The following CRHBP variants were observed in gnomAD, a reference collection of about 807,000 sequenced individuals.
CRHBP encodes corticotropin releasing hormone binding protein.
In CRHBP, 19 loss-of-function variants were observed where a neutral mutation model predicts 34.9. The ratio of observed to expected loss-of-function variants is 0.55; its 90% CI spans 0.38 to 0.80. CRHBP has a LOEUF of 0.80. Among genes scored for constraint, CRHBP ranks in the 30% least tolerant of loss-of-function variants. The pLI is 0.00. For missense variants in CRHBP, 328 were observed against 409.2 expected, an observed-to-expected ratio of 0.80 and a Z score of 1.71; for synonymous variants, 154 against 153.4, an observed-to-expected ratio of 1.00 and a Z score of -0.03.
chr5:76,973,022 G>A (rs933263669), downstream of CRHBP, among the ~76,000 whole-genome samples: 1 of 152,180 alleles, frequency 6.6e-6, no homozygotes, highest in African/African-American at 2.4e-5. Context: ...GGAAAACAGA[G>A]CCATAGGATG....
At chr5:76,960,213 G>C (rs1487085914) in intron 5 of CRHBP, among the ~76,000 whole-genome samples, 1 of 152,196 alleles carries the variant, frequency 6.6e-6, no homozygotes, top group East Asian at 1.9e-4. Context: ...TTGTGATAAA[G>C]TGGTCAGGAA....
intron 3 of CRHBP, among the ~76,000 whole-genome samples, chr5:76,979,657 AT>A (rs1746089599): frequency 1.3e-5 from 2 of 152,094 alleles, no homozygotes; most frequent in Non-Finnish European, 2.9e-5. Flanking sequence ...CCAATACAGT[AT>A]TTTAAATTAA....
In CRHBP at chr5:76,953,218, G is replaced by A. The variant is rs767030956; in HGVS notation, c.81+3G>A. 2.5e-6 allele frequency: 4 copies of A among 1,613,812 alleles called. No homozygotes were observed. On this transcript the variant is annotated splice_donor_region_variant and intron_variant, in intron 1 of 6. Transcript: ENST00000274368. ...GAGGGGAAAGCCGGTACCTAGAGGT[G>A]AGCCACCCCTGGACTGACCCATCTC...
At chr5:76,975,826 A>AAAAAAAAAAAAATC (rs1746019684) in intron 2 of CRHBP, among the ~76,000 whole-genome samples, 1 of 67,890 alleles carries the variant, frequency 1.5e-5, no homozygotes, top group African/African-American at 9.0e-5. Flanking sequence ...AAAAAAAAAA[A>AAAAAAAAAAAAATC]TATATATATA....
At chr5:76,963,191 T>C in intron 5 of CRHBP, 152 bp from the exon 6 acceptor site, 1 of 597,106 alleles carries the variant, frequency 1.7e-6, no homozygotes, top group African/African-American at 1.9e-5. Flanking sequence ...TTTAAATGTC[T>C]TTTAATTTCC....
At chr5:76,973,599 TC>T (rs1325237851), downstream of CRHBP, among the ~76,000 whole-genome samples, 1 of 152,216 alleles carries the variant, frequency 6.6e-6, no homozygotes, top group Non-Finnish European at 1.5e-5. Context: ...TTTAAAACAT[TC>T]ATTAGTGAAT....
At chr5:76,973,988 A>G (rs202236260), downstream of CRHBP, among the ~76,000 whole-genome samples, 14 of 50,038 alleles carry the variant, frequency 2.8e-4, no homozygotes, top group African/African-American at 1.3e-3. Context: ...AATCGTTATT[A>G]TTATTATTAT....
At chr5:76,962,942 G>A (rs963025314) in intron 5 of CRHBP, among the ~76,000 whole-genome samples, 4 of 152,088 alleles carry the variant, frequency 2.6e-5, no homozygotes, top group Non-Finnish European at 4.4e-5. Context: ...ATTTGACTTC[G>A]CTTAGCTGTG....
chr5:76,967,300 C>G (rs1011364420), intron 6 of CRHBP, among the ~76,000 whole-genome samples: 14 of 152,112 alleles, frequency 9.2e-5, no homozygotes, highest in African/African-American at 3.1e-4. Context: ...AGAAGCTTAA[C>G]TAGACTACCT....
chr5:76,967,227 G>C (rs1745873096), intron 6 of CRHBP, among the ~76,000 whole-genome samples: 1 of 152,028 alleles, frequency 6.6e-6, no homozygotes, highest in South Asian at 2.1e-4. Flanking sequence ...GGATGACAGA[G>C]CAAGATCCTG....
chr5:76,965,926 T>C (rs930436897), intron 6 of CRHBP, among the ~76,000 whole-genome samples: 3 of 152,010 alleles, frequency 2.0e-5, no homozygotes, highest in Non-Finnish European at 4.4e-5. Context: ...GAAGCAGGGA[T>C]GTATTAAAGG....
At chr5:76,962,636 A>AAG (rs1745797539) in intron 5 of CRHBP, among the ~76,000 whole-genome samples, 1 of 150,444 alleles carries the variant, frequency 6.6e-6, no homozygotes. Flanking sequence ...AAAAAAAAAA[A>AAG]GGGGGAAGCA....
At chr5:76,957,939 C>A (rs7701813) in intron 4 of CRHBP, among the ~76,000 whole-genome samples, 60,586 of 151,610 alleles carry the variant, frequency 0.4, 15,647 homozygotes, top group African/African-American at 0.74. Context: ...CAGGTGAATC[C>A]CTTGAGGTCA....
rs538446428 is a variant in CRHBP, at chr5:76,968,625, A to T, written c.812-103A>T. 3.9e-5 allele frequency: 46 copies of T among 1,177,560 alleles called. No individual in the cohort carries two copies. In the African/African-American group the frequency reaches 6.7e-4, roughly 17 times the overall value. 72.9% of individuals were successfully genotyped at this position (1,177,560 alleles called of 1,614,324 possible). On this transcript the variant is annotated intron_variant, in intron 6 of 6. Transcript: ENST00000274368. ...TGGTTTGGGTACATGAGAGGAAGAT[A>T]GGTCTCCTTGCTTTCATTATGTTTA...
rs370343783 is a variant in CRHBP, at chr5:76,962,122, C to A, written c.694-1221C>A. ...TGGGTGTGTGTGTGTATTAAGTTCTCTATTTTAGATTTTGGTTCCTATGTG... is the reference window on the plus strand; with the variant it reads ...TGGGTGTGTGTGTGTATTAAGTTCTATATTTTAGATTTTGGTTCCTATGTG... On this transcript the variant is annotated intron_variant, in intron 5 of 6. Coordinates refer to ENST00000274368, the MANE Select transcript of CRHBP (RefSeq NM_001882.4). Among the ~76,000 whole-genome samples, 19 of 152,018 alleles carry A rather than the reference C, an allele frequency of 1.2e-4. 1 individual carries two copies. The Middle Eastern group carries it at 0.01, about 82-fold the overall frequency.
At chr5:76,958,385 C>T (rs573116363) in intron 4 of CRHBP, among the ~76,000 whole-genome samples, 2 of 152,022 alleles carry the variant, frequency 1.3e-5, no homozygotes, top group African/African-American at 4.8e-5. Flanking sequence ...TTCCAGATTC[C>T]TAGCTTTAAG....
chr5:76,975,024 C>T (rs1746003864), intron 2 of CRHBP, among the ~76,000 whole-genome samples: 1 of 152,196 alleles, frequency 6.6e-6, no homozygotes, highest in Non-Finnish European at 1.5e-5. Context: ...AACATTAAGA[C>T]ATACAGTTGG....
Position 76,975,825 on chromosome 5 carries a change from AATAT to A in CRHBP, n.312-522_312-519del, listed in dbSNP as rs1217039736. 2.1e-4 allele frequency among the ~76,000 whole-genome samples: 13 copies of A among 61,852 alleles called. 1 individual carries two copies. The highest frequency in any genetic ancestry group is 2.1e-3 in the East Asian group (4 of 1,934). 40.6% of individuals were successfully genotyped at this position (61,852 alleles called of 152,430 possible). On this transcript the variant is annotated intron_variant and non_coding_transcript_variant, in intron 2 of 3. Transcript: ENST00000514258. ...TCTCAAAAAAAAAAAAAAAAAAAAA[AATAT>A]ATATATATATATATATACACGCATA...
downstream of CRHBP, among the ~76,000 whole-genome samples, chr5:76,973,219 T>G (rs1003779959): frequency 1.1e-3 from 175 of 152,358 alleles, 1 homozygote; most frequent in African/African-American, 4.1e-3. Flanking sequence ...CTATTCTGTC[T>G]GTTTTCGTTG....
Sources: allele counts gnomAD v4.1 joint callset (sites outside exome capture counted in the v4.1 genomes callset), GRCh38; gene constraint gnomAD v4.1.1; transcripts MANE v1.5; gene names NCBI Gene and HGNC (gene_info 2026-07-23, HGNC 2026-07-21).